ATRN: variants seen among roughly 807,000 people sequenced by gnomAD.
The protein encoded by ATRN is attractin-2.
Under a neutral mutation model 178.7 loss-of-function variants are expected in ATRN, and 54 were observed. That is an observed-to-expected ratio of 0.30 (90% CI 0.24 to 0.38). The LOEUF (loss-of-function observed/expected upper bound fraction) is 0.38. Among genes scored for constraint, ATRN ranks in the 10% least tolerant of loss-of-function variants. The probability of loss-of-function intolerance (pLI) is 1.00; values close to 1 mark genes in which losing one functional copy is unlikely to be tolerated. For synonymous variants in ATRN, 636 were observed against 663.0 expected, an observed-to-expected ratio of 0.96 and a Z score of 0.63; for missense variants, 1,443 against 1,815.1, an observed-to-expected ratio of 0.79 and a Z score of 3.73.
At chr20:3,595,805 C>T (rs891365478) in intron 20 of ATRN, among the ~76,000 whole-genome samples, 1 of 152,188 alleles carries the variant, frequency 6.6e-6, no homozygotes, top group Non-Finnish European at 1.5e-5. Context: ...GTTGTGTTTA[C>T]CTAAATGCTT....
chr20:3,479,245 C>A (rs1233684192), intron 1 of ATRN, among the ~76,000 whole-genome samples: 1 of 152,148 alleles, frequency 6.6e-6, no homozygotes, highest in Non-Finnish European at 1.5e-5. Flanking sequence ...TAAATATCTG[C>A]TGAATATTGT....
At position 3,599,054 on chromosome 20, in the gene ATRN, A is replaced by C. The variant is rs991769663; in HGVS notation, c.3564+1054A>C. 2.6e-5 allele frequency among the ~76,000 whole-genome samples: 4 copies of C among 152,222 alleles called. No homozygotes were observed. In the South Asian group the frequency reaches 6.2e-4, roughly 24 times the overall value. ...GATTTGTTTTTAATATTCTATTTCA[A>C]AGATAAAATTAAGAAAAAATGTACT... On this transcript the variant is annotated intron_variant, in intron 22 of 28. Transcript: ENST00000262919.
At chr20:3,550,674 AT>A (rs1209698084) in intron 6 of ATRN, among the ~76,000 whole-genome samples, 1 of 152,122 alleles carries the variant, frequency 6.6e-6, no homozygotes, top group Non-Finnish European at 1.5e-5. Context: ...GATTTTAGGC[AT>A]TTTCATGTTT....
At chr20:3,636,525 T>A (rs2087026300) in intron 26 of ATRN, among the ~76,000 whole-genome samples, 1 of 152,174 alleles carries the variant, frequency 6.6e-6, no homozygotes, top group African/African-American at 2.4e-5. Flanking sequence ...CCAGCATCAC[T>A]CATGATAAAA....
intron 24 of ATRN, among the ~76,000 whole-genome samples, chr20:3,616,867 A>T (rs1425744651): frequency 6.6e-6 from 1 of 152,116 alleles, no homozygotes; most frequent in Non-Finnish European, 1.5e-5. Context: ...CACACATCCC[A>T]TAGCAACTTC....
At chr20:3,629,892 C>T (rs1195551395) in intron 25 of ATRN, among the ~76,000 whole-genome samples, 2 of 152,182 alleles carry the variant, frequency 1.3e-5, no homozygotes, top group East Asian at 1.9e-4. Context: ...CCTCCCTGCA[C>T]GTGGATATAT....
At chr20:3,528,368 A>G (rs1251301431) in intron 1 of ATRN, among the ~76,000 whole-genome samples, 2 of 150,242 alleles carry the variant, frequency 1.3e-5, no homozygotes, top group African/African-American at 2.4e-5. Flanking sequence ...CTCCGTCTCA[A>G]AAAAAAAAAA....
chr20:3,511,912 T>C (rs151566), intron 1 of ATRN, among the ~76,000 whole-genome samples: 40,322 of 151,338 alleles, frequency 0.27, 5,927 homozygotes, highest in African/African-American at 0.33. Context: ...TACAGCCTTA[T>C]AATTATTTCA....
At chr20:3,599,394 T>C (rs2086574993) in intron 22 of ATRN, among the ~76,000 whole-genome samples, 1 of 152,224 alleles carries the variant, frequency 6.6e-6, no homozygotes, top group East Asian at 1.9e-4. Context: ...GAAGCAACCA[T>C]GAAAGTATTT....
At chr20:3,491,892 A>G (rs1242109096) in intron 1 of ATRN, among the ~76,000 whole-genome samples, 2 of 152,202 alleles carry the variant, frequency 1.3e-5, no homozygotes, top group East Asian at 3.9e-4. Context: ...GTAAGGTTGT[A>G]TGCAAATAAA....
At chr20:3,560,973 G>T (rs2085944315) in intron 8 of ATRN, 68 bp downstream of exon 8, 1 of 1,556,696 alleles carries the variant, frequency 6.4e-7, no homozygotes. Flanking sequence ...TTATTATTTT[G>T]ACTGTTTAGA....
intron 1 of ATRN, among the ~76,000 whole-genome samples, chr20:3,503,161 A>G (rs907510033): frequency 3.9e-5 from 6 of 152,186 alleles, no homozygotes; most frequent in Non-Finnish European, 7.4e-5. Context: ...TAACACTGCA[A>G]AGGCTCTGTA....
At chr20:3,589,925 G>T (rs1207757578) in intron 18 of ATRN, among the ~76,000 whole-genome samples, 2 of 152,170 alleles carry the variant, frequency 1.3e-5, no homozygotes, top group Non-Finnish European at 2.9e-5. Context: ...ACATTGCCTT[G>T]AGTTTTCTTT....
intron 3 of ATRN, among the ~76,000 whole-genome samples, chr20:3,543,765 G>T (rs1362741084): frequency 1.3e-5 from 2 of 151,942 alleles, no homozygotes; most frequent in African/African-American, 4.8e-5. Context: ...AGGCACAGTG[G>T]CTCAGGCCTG....
chr20:3,644,209 T>A lies in ATRN; in HGVS notation c.4106T>A (p.Leu1369His), dbSNP rs925260826. Residue 1369 changes from leucine to histidine, a missense_variant, in exon 28 of 29, where the codon CTC (leucine) becomes CAC (histidine). Around this residue, in one of 4 missense-constraint regions of ATRN, gnomAD observed 289 missense variants for 440.8 expected, o/e 0.66. Transcript: ENST00000262919. Reference protein sequence around the residue: ...EPCFGNKAAVLSVFVRLPRGL... With the variant: ...EPCFGNKAAVHSVFVRLPRGL... The stretch of plus-strand genomic sequence containing the variant: ...TGTTTTGGCAACAAAGCCGCTGTCC[T>A]CTCTGTGTTTGTGAGGCTCCCTCGA... 2 of 1,614,080 alleles carry A rather than the reference T, an allele frequency of 1.2e-6. No individual in the cohort carries two copies. Among genetic ancestry groups the A allele is most frequent in the African/African-American group, 1.3e-5 (1 of 74,928 alleles).
At chr20:3,629,011 T>C (rs752534907) in intron 25 of ATRN, 367 of 985,070 alleles carry the variant, frequency 3.7e-4, no homozygotes, top group Non-Finnish European at 4.3e-4. Context: ...TCACCGGTGT[T>C]CCCCACCTCA....
intron 23 of ATRN, among the ~76,000 whole-genome samples, 197 bp downstream of exon 23, chr20:3,601,221 G>A (rs181556862): frequency 2.2e-4 from 33 of 152,248 alleles, no homozygotes; most frequent in Non-Finnish European, 3.7e-4. Context: ...TGTAAAGTGA[G>A]GATAATGATA....
chr20:3,583,551 G>A (rs1395755687), intron 16 of ATRN, among the ~76,000 whole-genome samples: 1 of 152,188 alleles, frequency 6.6e-6, no homozygotes, highest in African/African-American at 2.4e-5. Flanking sequence ...GCTCACGCCT[G>A]TAATCCCAGC....
At position 3,648,553 on chromosome 20, in the gene ATRN, A is replaced by T. The variant is rs1263261291; in HGVS notation, c.*1706A>T. ...TAAAACTGCAGCATTTTACCTTTAAATGCAGTGCCTAGAGAGAGAGTATTG... is the reference window on the plus strand; with the variant it reads ...TAAAACTGCAGCATTTTACCTTTAATTGCAGTGCCTAGAGAGAGAGTATTG... On this transcript the variant is annotated 3_prime_UTR_variant, in exon 29 of 29. Coordinates refer to ENST00000262919, the MANE Select transcript of ATRN (RefSeq NM_139321.3). The T allele has an allele frequency of 6.6e-6, 1 of 152,518 alleles. No individual in the cohort carries two copies. The highest frequency in any genetic ancestry group is 2.4e-5 in the African/African-American group (1 of 41,450). 9.4% of individuals were successfully genotyped at this position (152,518 alleles called of 1,614,324 possible).
Sources: gnomAD v4.1 joint callset for allele counts (sites outside exome capture counted in the v4.1 genomes callset) on GRCh38, gnomAD v4.1.1 for gene constraint, gnomAD v4.1.1 regional missense constraint, MANE v1.5 for transcripts, NCBI Gene and HGNC (gene_info 2026-07-23, HGNC 2026-07-21) for gene names.